The following SNTG2 variants were observed in gnomAD, a reference collection of about 807,000 sequenced individuals.
The protein encoded by SNTG2 is gamma-2-syntrophin.
A neutral mutation model predicts 70.9 loss-of-function variants in SNTG2; 74 were observed. The ratio of observed to expected loss-of-function variants is 1.04; its 90% CI spans 0.86 to 1.27. The LOEUF (loss-of-function observed/expected upper bound fraction) is 1.27. Ranked by LOEUF, SNTG2 falls within the 50% of genes most tolerant of loss-of-function variation. The probability of loss-of-function intolerance (pLI) is 0.00; values close to 1 mark genes in which losing one functional copy is unlikely to be tolerated. For missense variants in SNTG2, 717 were observed against 690.7 expected (o/e 1.04, Z -0.43); for synonymous variants, 278 against 273.8 (o/e 1.02, Z -0.15).
intron 9 of SNTG2, among the ~76,000 whole-genome samples, chr2:1,221,307 G>GTCTCTTTGTCCC (rs1674766388): frequency 5.0e-4 from 2 of 3,996 alleles, no homozygotes; most frequent in African/African-American, 1.1e-3. Context: ...GTCCCTCTCT[G>GTCTCTTTGTCCC]TCTCTGTCTC....
intron 1 of SNTG2, among the ~76,000 whole-genome samples, chr2:972,636 G>A (rs943473987): frequency 5.3e-5 from 8 of 152,108 alleles, no homozygotes; most frequent in African/African-American, 1.7e-4. Flanking sequence ...TGATTGGATC[G>A]TGGGTGTGGA....
chr2:1,049,470 T>C (rs1661930993), intron 1 of SNTG2, among the ~76,000 whole-genome samples: 1 of 152,252 alleles, frequency 6.6e-6, no homozygotes, highest in African/African-American at 2.4e-5. Flanking sequence ...GCTTTCTTTG[T>C]GTCTTTATGT....
chr2:987,951 G>A (rs781441319), intron 1 of SNTG2, among the ~76,000 whole-genome samples: 18 of 152,160 alleles, frequency 1.2e-4, no homozygotes, highest in Non-Finnish European at 2.1e-4. Flanking sequence ...GACACCCCAC[G>A]TGGGCCTCTC....
intron 11 of SNTG2, among the ~76,000 whole-genome samples, chr2:1,244,243 T>G (rs1282413202): frequency 6.6e-6 from 1 of 152,222 alleles, no homozygotes; most frequent in Non-Finnish European, 1.5e-5. Flanking sequence ...GAAGGGGATG[T>G]GTTCGCCATT....
Position 1,318,334 on chromosome 2 carries a change from A to G in SNTG2, c.1488+1959A>G, listed in dbSNP as rs542980698. ...ATCTGAGCAACATGTCACACATGGC[A>G]TTTTTATACGTGAAAGTTTAGGTCA... On this transcript the variant is annotated intron_variant, in intron 16 of 16. Coordinates refer to ENST00000308624, the MANE Select transcript of SNTG2 (RefSeq NM_018968.4). Among the ~76,000 whole-genome samples, 24 of 152,346 alleles carry G rather than the reference A, an allele frequency of 1.6e-4. No individual in the cohort carries two copies. In the South Asian group the frequency reaches 5.0e-3, roughly 32 times the overall value.
Position 1,080,628 on chromosome 2 carries a change from GTGTC to G in SNTG2, c.73-2886_73-2883del, listed in dbSNP as rs554091011. ...GGCCATGTGTGTTGCATGTGTGTGT[GTGTC>G]TGTGTGCCCGTGTTTGTGTCTGTGT... On this transcript the variant is annotated intron_variant, in intron 1 of 16. Coordinates refer to ENST00000308624, the MANE Select transcript of SNTG2 (RefSeq NM_018968.4). 1.4e-3 allele frequency among the ~76,000 whole-genome samples: 212 copies of G among 151,548 alleles called. 2 individuals are homozygous for G. Among genetic ancestry groups the G allele is most frequent in the South Asian group, 0.012 (58 of 4,704 alleles).
intron 2 of SNTG2, among the ~76,000 whole-genome samples, chr2:1,089,248 T>C (rs557194643): frequency 6.6e-6 from 1 of 152,374 alleles, no homozygotes; most frequent in South Asian, 2.1e-4. Flanking sequence ...ATTAAAATGT[T>C]ATTTAATGGT....
At chr2:1,136,031 T>TA (rs1668361602) in intron 4 of SNTG2, among the ~76,000 whole-genome samples, 1 of 152,170 alleles carries the variant, frequency 6.6e-6, no homozygotes, top group African/African-American at 2.4e-5. Context: ...ACCTTGTTTT[T>TA]ATCATATGCA....
At chr2:1,106,750 A>G (rs1397596915) in intron 4 of SNTG2, among the ~76,000 whole-genome samples, 39 of 76,718 alleles carry the variant, frequency 5.1e-4, no homozygotes, top group Non-Finnish European at 7.4e-4. Flanking sequence ...AATAATGGAC[A>G]CGTGCTGTCA....
At chr2:1,244,043 G>A (rs1677232420) in intron 11 of SNTG2, among the ~76,000 whole-genome samples, 1 of 152,206 alleles carries the variant, frequency 6.6e-6, no homozygotes, top group African/African-American at 2.4e-5. Context: ...GGGTGGTGGT[G>A]GGGGTGGCTG....
chr2:1,164,601 G>A (rs188955089), intron 6 of SNTG2, among the ~76,000 whole-genome samples: 1 of 151,176 alleles, frequency 6.6e-6, no homozygotes, highest in African/African-American at 2.4e-5. Flanking sequence ...AGTGAGATAG[G>A]AACCTGCCCA....
intron 1 of SNTG2, among the ~76,000 whole-genome samples, chr2:1,063,897 G>T (rs766345984): frequency 6.6e-6 from 1 of 152,168 alleles, no homozygotes; most frequent in Non-Finnish European, 1.5e-5. Flanking sequence ...ACGAATTTAT[G>T]AAATCAGTGA....
intron 1 of SNTG2, among the ~76,000 whole-genome samples, chr2:1,014,601 GTGGTCTGGAGAGGGATTTATAAGGA>G (rs1659821966): frequency 1.7e-5 from 2 of 114,784 alleles, no homozygotes; most frequent in African/African-American, 6.0e-5. Context: ...AGAGAGAAGG[GTGGTCTGGAGAGGGATTTATAAGGA>G]CAGAGAGAAG....
Position 1,308,495 on chromosome 2 carries a change from C to T in SNTG2, c.1286C>T (p.Ser429Phe). ...CTCAAAATTGATACTTTTTTCTAGTCCAGAACATACATGTGCAGCTGGCAA... is the reference window on the plus strand; with the variant it reads ...CTCAAAATTGATACTTTTTTCTAGTTCAGAACATACATGTGCAGCTGGCAA... ...ATFMEVQRTG[S>F]RTYMCSWQGE... The change falls in exon 15 of 17, where the codon TCC (serine) becomes TTC (phenylalanine). Residue 429 changes from serine to phenylalanine, a missense_variant and splice_region_variant. Physicochemically the swap from Ser to Phe is radical, Grantham distance 155. Transcript: ENST00000308624. The T allele has an allele frequency of 1.3e-6, 2 of 1,550,822 alleles. No individual in the cohort carries two copies. Among genetic ancestry groups the T allele is most frequent in the Non-Finnish European group, 1.7e-6 (2 of 1,146,600 alleles).
At chr2:1,229,896 G>T (rs557778006) in intron 9 of SNTG2, among the ~76,000 whole-genome samples, 4 of 152,228 alleles carry the variant, frequency 2.6e-5, no homozygotes, top group Admixed American at 2.6e-4. Flanking sequence ...CGAGTGCGGA[G>T]CCCGCCAAGC....
In SNTG2 at chr2:1,094,049, T is replaced by C. The variant is rs6548188; in HGVS notation, c.211-4147T>C. On this transcript the variant is annotated intron_variant, in intron 2 of 16. Transcript: ENST00000308624. Reference sequence around the variant, plus strand: ...TACTGGCAAGGGCCAGCTTCCTGGCTTGCAGGCGAAGGCCTTATAGGTGTG... The same window carrying C: ...TACTGGCAAGGGCCAGCTTCCTGGCCTGCAGGCGAAGGCCTTATAGGTGTG... Among the ~76,000 whole-genome samples, 104 of 64,100 alleles carry C rather than the reference T, an allele frequency of 1.6e-3. 2 individuals are homozygous for C. Among genetic ancestry groups the C allele is most frequent in the African/African-American group, 6.0e-3 (73 of 12,250 alleles). The allele number at this position is 64,100 out of a possible 152,430, so 42.1% of individuals were successfully genotyped here. A position where few individuals can be genotyped will look rare whatever the true frequency, so the allele number is the denominator to read the frequency against.
intron 1 of SNTG2, among the ~76,000 whole-genome samples, chr2:979,318 G>A (rs553797982): frequency 1.4e-4 from 21 of 152,324 alleles, no homozygotes; most frequent in African/African-American, 4.3e-4. Context: ...GTGCTCTGCC[G>A]TGCTGGTGCA....
intron 14 of SNTG2, among the ~76,000 whole-genome samples, chr2:1,274,227 TA>T (rs1336463987): frequency 1.3e-5 from 2 of 152,230 alleles, no homozygotes; most frequent in African/African-American, 4.8e-5. Flanking sequence ...GTCTTAAATG[TA>T]AAGACAAATT....
chr2:1,210,125 T>C (rs1473756436), intron 9 of SNTG2, among the ~76,000 whole-genome samples: 1 of 152,224 alleles, frequency 6.6e-6, no homozygotes, highest in African/African-American at 2.4e-5. Context: ...AATTAGGTTT[T>C]CTATATTAAT....
Sources: allele counts gnomAD v4.1 joint callset (sites outside exome capture counted in the v4.1 genomes callset), GRCh38; gene constraint gnomAD v4.1.1; transcripts MANE v1.5; gene names NCBI Gene and HGNC (gene_info 2026-07-23, HGNC 2026-07-21).